SCAMP1: variants seen among roughly 807,000 people sequenced by gnomAD.
SCAMP1 encodes secretory carrier-associated membrane protein 1.
A neutral mutation model predicts 41.8 loss-of-function variants in SCAMP1; 15 were observed. The observed-to-expected ratio is 0.36, with a 90% CI of 0.24 to 0.55. SCAMP1 has a LOEUF of 0.55. Ranked by LOEUF, SCAMP1 falls within the 20% of genes least tolerant of loss-of-function variation. The pLI is 0.86. For missense variants in SCAMP1, 341 were observed against 412.6 expected, an observed-to-expected ratio of 0.83 and a Z score of 1.50; for synonymous variants, 135 against 136.8, an observed-to-expected ratio of 0.99 and a Z score of 0.09.
At chr5:78,367,277 A>G (rs761038703) in intron 1 of SCAMP1, among the ~76,000 whole-genome samples, 47 of 152,206 alleles carry the variant, frequency 3.1e-4, no homozygotes, top group Non-Finnish European at 5.6e-4. Flanking sequence ...CAATCCCAAA[A>G]TATAATGGCT....
At chr5:78,455,785 G>C (rs1753379876) in intron 7 of SCAMP1, among the ~76,000 whole-genome samples, 1 of 130,898 alleles carries the variant, frequency 7.6e-6, no homozygotes, top group Admixed American at 7.7e-5. Flanking sequence ...ACAGTGGGGT[G>C]TTAAAGTCTC....
At chr5:78,424,168 G>A (rs775504904) in intron 6 of SCAMP1, among the ~76,000 whole-genome samples, 1 of 152,046 alleles carries the variant, frequency 6.6e-6, no homozygotes, top group Non-Finnish European at 1.5e-5. Flanking sequence ...GAGCCACTGC[G>A]CCCAGCCTCG....
At chr5:78,420,747 A>C (rs982804167) in intron 5 of SCAMP1, among the ~76,000 whole-genome samples, 13 of 152,148 alleles carry the variant, frequency 8.5e-5, no homozygotes, top group Admixed American at 6.5e-5. Context: ...TTGTTTACTT[A>C]TCTGGTGGGT....
At chr5:78,414,982 C>A (rs868850527) in intron 2 of SCAMP1, among the ~76,000 whole-genome samples, 2 of 145,214 alleles carry the variant, frequency 1.4e-5, no homozygotes, top group Non-Finnish European at 3.0e-5. Context: ...GAGATGGAGT[C>A]TTGCTCTGTT....
At chr5:78,434,065 T>C (rs991581370) in intron 6 of SCAMP1, among the ~76,000 whole-genome samples, 1 of 152,176 alleles carries the variant, frequency 6.6e-6, no homozygotes, top group African/African-American at 2.4e-5. Flanking sequence ...GGAGTTTTGG[T>C]GGCTGCTCTT....
chr5:78,445,590 G>T (rs1673412882), intron 6 of SCAMP1, among the ~76,000 whole-genome samples: 1 of 151,980 alleles, frequency 6.6e-6, no homozygotes, highest in Non-Finnish European at 1.5e-5. Flanking sequence ...CTGCACGCAA[G>T]ACCCACCTTC....
chr5:78,449,557 C>T (rs1753164221), intron 6 of SCAMP1, among the ~76,000 whole-genome samples: 1 of 152,074 alleles, frequency 6.6e-6, no homozygotes, highest in African/African-American at 2.4e-5. Context: ...ATAAATATGT[C>T]AAAAATTATT....
chr5:78,460,816 C>CTTT (rs1325107681), intron 8 of SCAMP1, among the ~76,000 whole-genome samples: 17 of 26,770 alleles, frequency 6.4e-4, no homozygotes, highest in Non-Finnish European at 1.9e-3. Flanking sequence ...TCCCTTCCTT[C>CTTT]CTTCCTTTCT....
At chr5:78,460,917 T>A in intron 8 of SCAMP1, among the ~76,000 whole-genome samples, 1 of 151,124 alleles carries the variant, frequency 6.6e-6, no homozygotes, top group Non-Finnish European at 1.5e-5. Context: ...GTGCAGTGGC[T>A]CAATCTCAGC....
chr5:78,391,268 G>T (rs1291134667), intron 2 of SCAMP1, among the ~76,000 whole-genome samples: 2 of 151,402 alleles, frequency 1.3e-5, no homozygotes, highest in South Asian at 4.2e-4. Flanking sequence ...CGGGGCAGCT[G>T]GCCGGGCGGG....
chr5:78,384,180 C>CTT (rs57618539), intron 1 of SCAMP1, among the ~76,000 whole-genome samples: 1 of 65,268 alleles, frequency 1.5e-5, no homozygotes, highest in Non-Finnish European at 3.6e-5. Context: ...AGTTTTTTTT[C>CTT]TTTTTTTTTT....
intron 1 of SCAMP1, among the ~76,000 whole-genome samples, chr5:78,382,842 CGTT>C (rs1359240422): frequency 6.8e-6 from 1 of 146,658 alleles, no homozygotes. Flanking sequence ...TGTATCCACT[CGTT>C]GATTGATATG....
intron 1 of SCAMP1, among the ~76,000 whole-genome samples, chr5:78,379,649 A>T (rs1751148785): frequency 6.6e-6 from 1 of 152,230 alleles, no homozygotes; most frequent in Non-Finnish European, 1.5e-5. Flanking sequence ...AGAAAATTGG[A>T]AGAATGATTT....
intron 8 of SCAMP1, among the ~76,000 whole-genome samples, chr5:78,474,758 CCTT>C (rs1346226779): frequency 6.6e-6 from 1 of 152,108 alleles, no homozygotes; most frequent in African/African-American, 2.4e-5. Context: ...TTTGTTATTT[CCTT>C]CTTCAAATTT....
intron 5 of SCAMP1, among the ~76,000 whole-genome samples, chr5:78,420,316 T>C (rs1319165694): frequency 6.6e-6 from 1 of 152,238 alleles, no homozygotes; most frequent in African/African-American, 2.4e-5. Flanking sequence ...GATTAGGAAA[T>C]AACCTAATTT....
chr5:78,363,317 A>G (rs921342112), intron 1 of SCAMP1, among the ~76,000 whole-genome samples: 9 of 150,138 alleles, frequency 6.0e-5, no homozygotes, highest in African/African-American at 2.2e-4. Context: ...GGTTCACACC[A>G]TTCTCCTGCC....
In SCAMP1 at chr5:78,360,622, GTC is replaced by G. The variant is rs748550581; in HGVS notation, c.-40_-39del. 3.9e-5 allele frequency: 61 copies of G among 1,558,186 alleles called. No homozygotes were observed. Among genetic ancestry groups the G allele is most frequent in the Admixed American group, 1.1e-4 (6 of 55,460 alleles). On this transcript the variant is annotated 5_prime_UTR_variant, in exon 1 of 9. Coordinates refer to ENST00000621999, the MANE Select transcript of SCAMP1 (RefSeq NM_004866.6). ...CGCAGGGGGGCGGCGGCCTCGCCTC[GTC>G]TCTCTCTCTGCGCCTGGGTCGGGTG... is the stretch of plus-strand genomic sequence containing the variant.
At chr5:78,442,954 C>T (rs977585805) in intron 6 of SCAMP1, among the ~76,000 whole-genome samples, 2 of 152,122 alleles carry the variant, frequency 1.3e-5, no homozygotes, top group Non-Finnish European at 2.9e-5. Flanking sequence ...TGCCTGTAAT[C>T]CCAGCACTTT....
At chr5:78,457,060 A>C in intron 7 of SCAMP1, among the ~76,000 whole-genome samples, 1 of 117,640 alleles carries the variant, frequency 8.5e-6, no homozygotes, top group Non-Finnish European at 1.7e-5. Flanking sequence ...ACTTCTCTGT[A>C]TTGGTTATTC....
Sources: gnomAD v4.1 joint callset for allele counts (sites outside exome capture counted in the v4.1 genomes callset) on GRCh38, gnomAD v4.1.1 for gene constraint, MANE v1.5 for transcripts, NCBI Gene and HGNC (gene_info 2026-07-23, HGNC 2026-07-21) for gene names.